The following HOXB13 variants were observed in gnomAD, a reference collection of about 807,000 sequenced individuals.
HOXB13 encodes the protein homeobox protein Hox-B13.
In HOXB13, 22 loss-of-function variants were observed where a neutral mutation model predicts 23.1. The ratio of observed to expected loss-of-function variants is 0.95; its 90% confidence interval spans 0.68 to 1.36. HOXB13 has a LOEUF of 1.36. Ranked by LOEUF, HOXB13 falls within the 40% of genes most tolerant of loss-of-function variation. The probability of loss-of-function intolerance (pLI) is 0.00; values close to 1 mark genes in which losing one functional copy is unlikely to be tolerated. For synonymous variants in HOXB13, 173 were observed against 157.9 expected (o/e 1.10, Z -0.72); for missense variants, 386 against 376.2 (o/e 1.03, Z -0.22).
Position 48,728,060 on chromosome 17 carries a change from C to T in HOXB13, c.534G>A (p.Trp178Ter). The T allele has an allele frequency of 6.2e-7, 1 of 1,614,170 alleles. No individual in the cohort carries two copies. Among genetic ancestry groups the T allele is most frequent in the South Asian group, 1.1e-5 (1 of 91,074 alleles). Residue 178 changes from tryptophan to a stop codon, truncating the protein, a stop_gained, in exon 1 of 2, where the codon TGG becomes TGA. Transcript: ENST00000290295. LOFTEE classifies it high-confidence loss of function. Reference protein sequence around the residue: ...SYQSWALAGGWNSQMCCQGEQ... With the variant: ...SYQSWALAGG Reference sequence around the variant, plus strand: ...CTCCCTGGCAACACATCTGGCTGTTCCAGCCACCAGCGAGAGCCCAAGACT... The same window carrying T: ...CTCCCTGGCAACACATCTGGCTGTTTCAGCCACCAGCGAGAGCCCAAGACT...
chr17:48,727,658 A>C (rs566865629), intron 1 of HOXB13, among the ~76,000 whole-genome samples: 17 of 152,300 alleles, frequency 1.1e-4, no homozygotes, highest in South Asian at 4.1e-4. Flanking sequence ...GTGTAGAATT[A>C]GTTTGGAATT....
chr17:48,728,121 G>C lies in HOXB13; in HGVS notation c.473C>G (p.Pro158Arg), dbSNP rs1555558598. ...CACAGGCAACAGGGAGTCATGTCGC[G>C]GTTCTCCAGGAGCACCCAGAGTCTG... ...VVQTLGAPGE[P>R]RHDSLLPVDS... Residue 158 changes from proline (P) to arginine (R), a missense_variant, in exon 1 of 2, where the codon CCG becomes CGG. Coordinates refer to ENST00000290295, the MANE Select transcript of HOXB13 (RefSeq NM_006361.6). 3 of 1,614,184 alleles carry C rather than the reference G, an allele frequency of 1.9e-6. No homozygotes were observed. Among genetic ancestry groups the C allele is most frequent in the South Asian group, 1.1e-5 (1 of 91,082 alleles).
chr17:48,726,895 C>T lies in HOXB13; in HGVS notation c.750G>A (p.Ser250=), dbSNP rs764201750. The stretch of plus-strand genomic sequence containing the variant: ...GGCGCTCCGAGAGGCTGGTGGCTGC[C>T]GAGATCTTGCGCCTCTTGTCCTTGG... ...FITKDKRRKI[S]AATSLSERQI... is the part of the protein sequence containing the mutation. Residue 250 remains serine (S), a synonymous_variant, in exon 2 of 2, where the codon TCG becomes TCA. Transcript: ENST00000290295. 1.2e-6 allele frequency: 2 copies of T among 1,614,090 alleles called. No homozygotes were observed. The highest frequency in any genetic ancestry group is 1.1e-5 in the South Asian group (1 of 91,058).
rs770443137 is a variant in HOXB13, at chr17:48,726,875, TC to T, written c.769del (p.Glu257SerfsTer22). ...RKISAATSLS[E>X]RQITIWFQNR... Reference sequence around the variant, plus strand: ...CTGAAACCAGATGGTAATCTGGCGCTCCGAGAGGCTGGTGGCTGCCGAGATC... The same window carrying T: ...CTGAAACCAGATGGTAATCTGGCGCTCGAGAGGCTGGTGGCTGCCGAGATC... On this transcript the variant is annotated frameshift_variant, in exon 2 of 2. Transcript: ENST00000290295. LOFTEE classifies it high-confidence loss of function. 6.2e-7 allele frequency: 1 copy of T among 1,614,138 alleles called. No individual in the cohort carries two copies. The highest frequency in any genetic ancestry group is 2.2e-5 in the East Asian group (1 of 44,886).
In HOXB13 at chr17:48,726,171, G is replaced by A. The variant is rs1253881479; in HGVS notation, c.*619C>T. On this transcript the variant is annotated 3_prime_UTR_variant, in exon 2 of 2. Transcript: ENST00000290295. The stretch of plus-strand genomic sequence containing the variant: ...ACAGAAAAATCATCGTATTAAGGAT[G>A]GGTGCTTCCAAGACCAGTGGGTACA... 4 of 152,340 alleles carry A rather than the reference G, an allele frequency of 2.6e-5. No individual in the cohort carries two copies. Among genetic ancestry groups the A allele is most frequent in the Admixed American group, 1.3e-4 (2 of 15,298 alleles). The allele number at this position is 152,340 out of a possible 1,614,324, so 9.4% of individuals were successfully genotyped here.
At position 48,724,973 on chromosome 17, in the gene HOXB13, TCCCCCTCATCTATCTTG is replaced by T. The variant is rs2038191529; in HGVS notation, c.*1800_*1816del. 1 of 259,076 alleles carries T rather than the reference TCCCCCTCATCTATCTTG, an allele frequency of 3.9e-6. No homozygotes were observed. Among genetic ancestry groups the T allele is most frequent in the South Asian group, 1.7e-4 (1 of 5,724 alleles). 16.0% of individuals were successfully genotyped at this position (259,076 alleles called of 1,614,324 possible). On this transcript the variant is annotated 3_prime_UTR_variant, in exon 2 of 2. Transcript: ENST00000290295. Reference sequence around the variant, plus strand: ...AAGGGGTCACCCCGCACCATGCCGCTCCCCCTCATCTATCTTGCCCCCTCCCCACAGGCCCATCTGCG... The same window carrying T: ...AAGGGGTCACCCCGCACCATGCCGCTCCCCCTCCCCACAGGCCCATCTGCG...
rs2143070847 is a variant in HOXB13 at position 48,728,019 on chromosome 17, C to G, written c.575G>C (p.Gly192Ala). ...TGCAAATGCTGCCTTCCAAAAGGGACCTGGTGGGTTCTGTTCTCCCTGGCA... is the reference window on the plus strand; with the variant it reads ...TGCAAATGCTGCCTTCCAAAAGGGAGCTGGTGGGTTCTGTTCTCCCTGGCA... ...MCCQGEQNPP[G>A]PFWKAAFADS... is the part of the protein sequence containing the mutation. Residue 192 changes from glycine to alanine, a missense_variant, in exon 1 of 2, where the codon GGT becomes GCT. Transcript: ENST00000290295. 1 of 1,614,170 alleles carries G rather than the reference C, an allele frequency of 6.2e-7. No homozygotes were observed. The highest frequency in any genetic ancestry group is 1.1e-5 in the South Asian group (1 of 91,086).
Position 48,725,379 on chromosome 17 carries a change from G to A in HOXB13, c.*1411C>T, listed in dbSNP as rs1044258018. ...ATAGATTTGTAGGTGTCTAAGTCAC[G>A]TCCCACCCTCACTCCTTCCCAGGAG... is the stretch of plus-strand genomic sequence containing the variant. On this transcript the variant is annotated 3_prime_UTR_variant, in exon 2 of 2. Coordinates refer to ENST00000290295, the MANE Select transcript of HOXB13 (RefSeq NM_006361.6). 6 of 152,196 alleles carry A rather than the reference G, an allele frequency of 3.9e-5. No individual in the cohort carries two copies. Among genetic ancestry groups the A allele is most frequent in the African/African-American group, 1.4e-4 (6 of 41,412 alleles). The allele number at this position is 152,196 out of a possible 1,614,324, so 9.4% of individuals were successfully genotyped here.
chr17:48,726,747 G>A lies in HOXB13; in HGVS notation c.*43C>T, dbSNP rs1389769723. 1.2e-5 allele frequency: 19 copies of A among 1,606,356 alleles called. No individual in the cohort carries two copies. The highest frequency in any genetic ancestry group is 1.4e-5 in the Non-Finnish European group (16 of 1,175,660). Reference sequence around the variant, plus strand: ...CTTGGCAGGTTCCTGGTCTCCCCAGGACACCCCCACTTTCGCTCCTCCCAC... The same window carrying A: ...CTTGGCAGGTTCCTGGTCTCCCCAGAACACCCCCACTTTCGCTCCTCCCAC... On this transcript the variant is annotated 3_prime_UTR_variant, in exon 2 of 2. Transcript: ENST00000290295.
chr17:48,727,001 C>G lies in HOXB13; in HGVS notation c.644G>C (p.Arg215Pro), dbSNP rs1203218334. Residue 215 changes from arginine to proline, a missense_variant, in exon 2 of 2, where the codon CGC becomes CCC. Physicochemically the swap from Arg to Pro is moderately radical, Grantham distance 103. Coordinates refer to ENST00000290295, the MANE Select transcript of HOXB13 (RefSeq NM_006361.6). Reference protein sequence around the residue: ...QHPPDACAFRRGRKKRIPYSK... With the variant: ...QHPPDACAFRPGRKKRIPYSK... ...GTACGGAATGCGTTTCTTGCGGCCG[C>G]GACGAAAGGCGCAGGCGTCAGGAGG... 6.2e-7 allele frequency: 1 copy of G among 1,610,912 alleles called. No individual in the cohort carries two copies. The highest frequency in any genetic ancestry group is 1.7e-5 in the Admixed American group (1 of 60,024).
chr17:48,726,643 G>T lies in HOXB13; in HGVS notation c.*147C>A. The stretch of plus-strand genomic sequence containing the variant: ...ACTGGGTACCCAGGCCGCTCCTGAG[G>T]AACAGTCCAGCAGCCAGTGGCCTGG... On this transcript the variant is annotated 3_prime_UTR_variant, in exon 2 of 2. Transcript: ENST00000290295. 2 of 1,018,386 alleles carry T rather than the reference G, an allele frequency of 2.0e-6. No homozygotes were observed. The highest frequency in any genetic ancestry group is 2.8e-6 in the Non-Finnish European group (2 of 710,328). The allele number at this position is 1,018,386 out of a possible 1,614,324, so 63.1% of individuals were successfully genotyped here.
At position 48,726,543 on chromosome 17, in the gene HOXB13, G is replaced by T. The variant is rs990812620; in HGVS notation, c.*247C>A. The stretch of plus-strand genomic sequence containing the variant: ...GATTATTGCCACTGTCAGGATGAAT[G>T]ATTATGACTGGGCCAGGTTCTTTGG... On this transcript the variant is annotated 3_prime_UTR_variant, in exon 2 of 2. Coordinates refer to ENST00000290295, the MANE Select transcript of HOXB13 (RefSeq NM_006361.6). 12 of 556,514 alleles carry T rather than the reference G, an allele frequency of 2.2e-5. No homozygotes were observed. The highest frequency in any genetic ancestry group is 3.5e-5 in the Non-Finnish European group (11 of 312,104). 34.5% of individuals were successfully genotyped at this position (556,514 alleles called of 1,614,324 possible). A position where few individuals can be genotyped will look rare whatever the true frequency, so the allele number is the denominator to read the frequency against.
rs917899187 is a variant in HOXB13 at position 48,726,877 on chromosome 17, C to T, written c.768G>A (p.Ser256=). 1.9e-6 allele frequency: 3 copies of T among 1,614,164 alleles called. No homozygotes were observed. Among genetic ancestry groups the T allele is most frequent in the East Asian group, 2.2e-5 (1 of 44,884 alleles). Residue 256 remains serine, a synonymous_variant, in exon 2 of 2, where the codon TCG becomes TCA. Transcript: ENST00000290295. ...GAAACCAGATGGTAATCTGGCGCTC[C>T]GAGAGGCTGGTGGCTGCCGAGATCT... The part of the protein sequence containing the change: ...RRKISAATSL[S]ERQITIWFQN...
rs755838178 is a variant in HOXB13, at chr17:48,726,825, C to A, written c.820G>T (p.Val274Phe). The A allele has an allele frequency of 6.2e-7, 1 of 1,614,188 alleles. No individual in the cohort carries two copies. Residue 274 changes from valine (V) to phenylalanine (F), a missense_variant, in exon 2 of 2, where the codon GTT becomes TTT. By Grantham distance (50) the Val-to-Phe change is conservative. Coordinates refer to ENST00000290295, the MANE Select transcript of HOXB13 (RefSeq NM_006361.6). ...FQNRRVKEKK[V>F]LAKVKNSATP ...GCGCTGTTCTTCACCTTGGCGAGAA[C>A]CTTCTTCTCTTTGACCCGGCGGTTC...
At position 48,728,291 on chromosome 17, in the gene HOXB13, G is replaced by C. The variant is rs150413396; in HGVS notation, c.303C>G (p.Ala101=). 20 of 1,614,052 alleles carry C rather than the reference G, an allele frequency of 1.2e-5. No homozygotes were observed. The African/African-American group carries it at 2.3e-4, about 18-fold the overall frequency. The change falls in exon 1 of 2, where the codon GCC becomes GCG. Residue 101 remains alanine (A), a synonymous_variant. Coordinates refer to ENST00000290295, the MANE Select transcript of HOXB13 (RefSeq NM_006361.6). The part of the protein sequence containing the change: ...RVSRSSLKPC[A]QAATLAAYPA... ...GGTACGCGGCCAGGGTGGCTGCCTGGGCACAGGGTTTCAGCGAGCTCCGGG... is the reference window on the plus strand; with the variant it reads ...GGTACGCGGCCAGGGTGGCTGCCTGCGCACAGGGTTTCAGCGAGCTCCGGG...
chr17:48,727,264 A>G (rs2143068917), intron 1 of HOXB13, among the ~76,000 whole-genome samples: 1 of 152,048 alleles, frequency 6.6e-6, no homozygotes, highest in Non-Finnish European at 1.5e-5. Context: ...GGCCACCCTC[A>G]CCCATCACTG....
At position 48,726,931 on chromosome 17, in the gene HOXB13, G is replaced by T; in HGVS notation, c.714C>A (p.Asn238Lys). 1 of 1,613,962 alleles carries T rather than the reference G, an allele frequency of 6.2e-7. No individual in the cohort carries two copies. The highest frequency in any genetic ancestry group is 1.6e-4 in the Middle Eastern group (1 of 6,062). Residue 238 changes from asparagine to lysine, a missense_variant, in exon 2 of 2, where the codon AAC becomes AAA. Transcript: ENST00000290295. ...LRELEREYAA[N>K]KFITKDKRRK... ...GCCTCTTGTCCTTGGTGATGAACTT[G>T]TTAGCCGCATACTCCCGCTCCAGCT... is the stretch of plus-strand genomic sequence containing the variant.
intron 1 of HOXB13, among the ~76,000 whole-genome samples, chr17:48,727,724 C>A (rs1389471781): frequency 6.6e-6 from 1 of 152,188 alleles, no homozygotes; most frequent in Non-Finnish European, 1.5e-5. Flanking sequence ...CTAAACCTCT[C>A]AGACATGTTG....
rs1343659361 is a variant in HOXB13 at position 48,727,036 on chromosome 17, G to T, written c.609C>A (p.Ser203Arg). The T allele has an allele frequency of 2.5e-6, 4 of 1,605,868 alleles. No individual in the cohort carries two copies. The African/African-American group carries it at 4.0e-5, about 16-fold the overall frequency. The change falls in exon 2 of 2, where the codon AGC (serine) becomes AGA (arginine). Residue 203 changes from serine (S) to arginine (R), a missense_variant. By Grantham distance (110) the Ser-to-Arg change is moderately radical. Transcript: ENST00000290295. ...CGCAGGCGTCAGGAGGGTGCTGCCC[G>T]CTGGAGTCTGCGCGGCGTGAAAGGG... ...PFWKAAFADS[S>R]GQHPPDACAF...
Sources: allele counts gnomAD v4.1 joint callset (sites outside exome capture counted in the v4.1 genomes callset), GRCh38; gene constraint gnomAD v4.1.1; transcripts MANE v1.5; gene names NCBI Gene and HGNC (gene_info 2026-07-23, HGNC 2026-07-21).